CELSR1: variants seen among roughly 807,000 people sequenced by gnomAD.
CELSR1 encodes cadherin EGF LAG seven-pass G-type receptor 1.
Under a neutral mutation model 249.1 loss-of-function variants are expected in CELSR1, and 110 were observed. That is an observed-to-expected ratio of 0.44 (90% CI 0.38 to 0.52). The LOEUF (loss-of-function observed/expected upper bound fraction) is 0.52, where lower values mean the gene tolerates loss of function less well. Among genes scored for constraint, CELSR1 ranks in the 20% least tolerant of loss-of-function variants. CELSR1 has a pLI of 0.00. For missense variants in CELSR1, 4,109 were observed against 4,296.4 expected (o/e 0.96, Z 1.22); for synonymous variants, 2,113 against 1,900.0 (o/e 1.11, Z -2.92).
rs2079171708 is a variant in CELSR1 at position 46,398,177 on chromosome 22, C to T, written c.5527-329G>A. Among the ~76,000 whole-genome samples, 1 of 151,990 alleles carries T rather than the reference C, an allele frequency of 6.6e-6. No individual in the cohort carries two copies. The highest frequency in any genetic ancestry group is 1.5e-5 in the Non-Finnish European group (1 of 67,986). On this transcript the variant is annotated intron_variant, in intron 11 of 34. Transcript: ENST00000674500. The surrounding 1 kb of genome is among the most constrained non-coding windows in gnomAD (Gnocchi z 7.2). ...TCGGCCGTAGCTGGAACCCCTGGCT[C>T]CAGGGGACAGGCACGGGGCCCACTT...
At position 46,365,331 on chromosome 22, in the gene CELSR1, G is replaced by C. The variant is rs1031153013; in HGVS notation, c.8454C>G (p.Ser2818Arg). 1.2e-6 allele frequency: 2 copies of C among 1,612,878 alleles called. No individual in the cohort carries two copies. The highest frequency in any genetic ancestry group is 1.7e-5 in the Admixed American group (1 of 60,008). The change falls in exon 32 of 35, where the codon AGC (serine) becomes AGG (arginine). Residue 2818 changes from serine (S) to arginine (R), a missense_variant. Ser to Arg is a moderately radical substitution (Grantham distance 110). Around this residue, in one of 7 missense-constraint regions of CELSR1, gnomAD observed 1,805 missense variants for 1,831.6 expected, o/e 0.99. Coordinates refer to ENST00000674500, the MANE Select transcript of CELSR1 (RefSeq NM_001378328.1). ...CTGACGAGTGTGAGGAGGCGTAAGAGCTGCTCTGCTCATCCAGGGACAGCT... is the reference window on the plus strand; with the variant it reads ...CTGACGAGTGTGAGGAGGCGTAAGACCTGCTCTGCTCATCCAGGGACAGCT... ...DSELSLDEQS[S>R]SYASSHSSDS...
At position 46,454,552 on chromosome 22, in the gene CELSR1, T is replaced by A. The variant is rs556623782; in HGVS notation, c.4183+9155A>T. On this transcript the variant is annotated intron_variant, in intron 2 of 34. Transcript: ENST00000674500. This position sits in a 1 kb window ranked among gnomAD's most constrained non-coding sequence, Gnocchi z 5.1. ...AAACCACAGCGAGGTTTCTATTGCA[T>A]GCGGCTCGTCTTCAGGCCACTTTTC... Among the ~76,000 whole-genome samples, 4 of 152,222 alleles carry A rather than the reference T, an allele frequency of 2.6e-5. No individual in the cohort carries two copies. The highest frequency in any genetic ancestry group is 5.9e-5 in the Non-Finnish European group (4 of 68,038).
intron 1 of CELSR1, among the ~76,000 whole-genome samples, chr22:46,507,050 G>T (rs946781574): frequency 1.3e-5 from 2 of 152,196 alleles, no homozygotes; most frequent in Non-Finnish European, 2.9e-5. Context: ...GCCAGGTGTG[G>T]TGGTGTGTGC....
At position 46,412,641 on chromosome 22, in the gene CELSR1, G is replaced by A. The variant is rs922750895; in HGVS notation, c.4612-882C>T. On this transcript the variant is annotated intron_variant, in intron 5 of 34. Coordinates refer to ENST00000674500, the MANE Select transcript of CELSR1 (RefSeq NM_001378328.1). This position sits in a 1 kb window ranked among gnomAD's most constrained non-coding sequence, Gnocchi z 4.5. ...AGCCCACTTTCCCCAGACAGCCCTC[G>A]CAGGTCTCAGCTCCTGGTCAGTCCC... Among the ~76,000 whole-genome samples, 5 of 152,218 alleles carry A rather than the reference G, an allele frequency of 3.3e-5. No individual in the cohort carries two copies. The highest frequency in any genetic ancestry group is 1.9e-4 in the East Asian group (1 of 5,180).
Position 46,536,632 on chromosome 22 carries a change from C to T in CELSR1, c.539G>A (p.Arg180His), listed in dbSNP as rs913215115. Reference protein sequence around the residue: ...PICLPPGGSVRLRLLCALRRA... With the variant: ...PICLPPGGSVHLRLLCALRRA... ...CCGCAGGGCGCACAGCAGACGCAGG[C>T]GGACCGAGCCGCCCGGCGGCAGGCA... is the stretch of plus-strand genomic sequence containing the variant. Residue 180 changes from arginine to histidine, a missense_variant, in exon 1 of 35, where the codon CGC becomes CAC. Physicochemically the swap from Arg to His is conservative, Grantham distance 29. This residue lies in a region of CELSR1 where 673 missense variants were observed against 636.8 expected (regional missense o/e 1.06). Transcript: ENST00000674500. The T allele has an allele frequency of 7.7e-6, 9 of 1,168,254 alleles. No individual in the cohort carries two copies. Among genetic ancestry groups the T allele is most frequent in the Non-Finnish European group, 8.4e-6 (8 of 949,106 alleles). The allele number at this position is 1,168,254 out of a possible 1,614,324, so 72.4% of individuals were successfully genotyped here. A position where few individuals can be genotyped will look rare whatever the true frequency, so the allele number is the denominator to read the frequency against.
At chr22:46,452,555 C>A (rs1308911259) in intron 2 of CELSR1, among the ~76,000 whole-genome samples, 1 of 152,218 alleles carries the variant, frequency 6.6e-6, no homozygotes, top group East Asian at 1.9e-4. Context: ...GTCCCTACAG[C>A]CCCAGCACCA....
Position 46,417,948 on chromosome 22 carries a change from G to C in CELSR1, c.4612-6189C>G, listed in dbSNP as rs895201553. Among the ~76,000 whole-genome samples the C allele has an allele frequency of 2.6e-4, 40 of 152,328 alleles. No homozygotes were observed. The highest frequency in any genetic ancestry group is 8.9e-4 in the African/African-American group (37 of 41,576). On this transcript the variant is annotated intron_variant, in intron 5 of 34. Coordinates refer to ENST00000674500, the MANE Select transcript of CELSR1 (RefSeq NM_001378328.1). The surrounding 1 kb of genome is among the most constrained non-coding windows in gnomAD (Gnocchi z 4.1). ...ATGGACATCACCTCCTTAAAGCCAA[G>C]GGTCCATATCCTGCCCCTACTTGGG...
intron 2 of CELSR1, among the ~76,000 whole-genome samples, chr22:46,452,085 A>G (rs2079892353): frequency 6.6e-6 from 1 of 152,142 alleles, no homozygotes; most frequent in African/African-American, 2.4e-5. Flanking sequence ...TCGGCCTTCC[A>G]GCTGCAGAAC....
Position 46,430,303 on chromosome 22 carries a change from C to T in CELSR1, c.4611+3090G>A. ...TTCAAGTATGTTTTCTTCATCATCC[C>T]CAAAAATGCAAAAACCAAAACCAGC... On this transcript the variant is annotated intron_variant, in intron 5 of 34. Coordinates refer to ENST00000674500, the MANE Select transcript of CELSR1 (RefSeq NM_001378328.1). The surrounding 1 kb of genome is among the most constrained non-coding windows in gnomAD (Gnocchi z 4.6). Among the ~76,000 whole-genome samples, 1 of 152,160 alleles carries T rather than the reference C, an allele frequency of 6.6e-6. No homozygotes were observed. Among genetic ancestry groups the T allele is most frequent in the East Asian group, 1.9e-4 (1 of 5,190 alleles).
In CELSR1 at chr22:46,381,345, A is replaced by AGAG. The variant is rs2078975880; in HGVS notation, c.7089-391_7089-390insCTC. On this transcript the variant is annotated intron_variant, in intron 21 of 34. Transcript: ENST00000674500. This position sits in a 1 kb window ranked among gnomAD's most constrained non-coding sequence, Gnocchi z 6.0. Reference sequence around the variant, plus strand: ...CCCAGTCACTGAGAACCACGTGAACACGAGGATCCCAGAGCCAGGGAAGTA... The same window carrying AGAG: ...CCCAGTCACTGAGAACCACGTGAACAGAGCGAGGATCCCAGAGCCAGGGAAGTA... Among the ~76,000 whole-genome samples the AGAG allele has an allele frequency of 7.9e-5, 12 of 152,356 alleles. 1 individual carries two copies. Among genetic ancestry groups the AGAG allele is most frequent in the Admixed American group, 5.9e-4 (9 of 15,306 alleles).
chr22:46,450,400 A>G (rs558801852), intron 2 of CELSR1, among the ~76,000 whole-genome samples: 8 of 152,266 alleles, frequency 5.3e-5, no homozygotes, highest in Non-Finnish European at 8.8e-5. Flanking sequence ...GACCCTGGGT[A>G]TCCCCAGGTT....
chr22:46,389,520 T>A, intron 17 of CELSR1, 21 bp from the exon 18 acceptor site: 7 of 1,612,226 alleles, frequency 4.3e-6, no homozygotes, highest in Non-Finnish European at 5.1e-6. Context: ...GAGGCAGTCG[T>A]GATGTGTGCA....
At chr22:46,489,476 C>T (rs1050130396) in intron 1 of CELSR1, among the ~76,000 whole-genome samples, 1 of 151,844 alleles carries the variant, frequency 6.6e-6, no homozygotes, top group African/African-American at 2.4e-5. Context: ...CTCCTAACTA[C>T]GGGACATCCA....
intron 24 of CELSR1, among the ~76,000 whole-genome samples, chr22:46,376,047 T>C (rs937426043): frequency 6.6e-6 from 1 of 152,250 alleles, no homozygotes; most frequent in African/African-American, 2.4e-5. Flanking sequence ...GCCTCCAGTA[T>C]CTTCCCATTG....
chr22:46,369,367 G>C, intron 26 of CELSR1, 109 bp from the exon 27 acceptor site: 1 of 933,024 alleles, frequency 1.1e-6, no homozygotes. Context: ...GGCTGGGTGA[G>C]GAGGACCCGA....
Position 46,534,420 on chromosome 22 carries a change from C to T in CELSR1, c.2751G>A (p.Thr917=), listed in dbSNP as rs777748133. 13 of 1,612,798 alleles carry T rather than the reference C, an allele frequency of 8.1e-6. No individual in the cohort carries two copies. Among genetic ancestry groups the T allele is most frequent in the Non-Finnish European group, 1.1e-5 (13 of 1,180,012 alleles). The change falls in exon 1 of 35, where the codon ACG becomes ACA. Residue 917 remains threonine (T), a synonymous_variant. Transcript: ENST00000674500. This position sits in a 1 kb window ranked among gnomAD's most constrained non-coding sequence, Gnocchi z 9.7. ...PSTSILQVSA[T]DRDSGPNGRL... ...GCCCATTGGGACCTGAGTCCCGGTCCGTGGCAGAGACCTGGAGGATGCTGG... is the reference window on the plus strand; with the variant it reads ...GCCCATTGGGACCTGAGTCCCGGTCTGTGGCAGAGACCTGGAGGATGCTGG...
In CELSR1 at chr22:46,413,528, G is replaced by A. The variant is rs2079362009; in HGVS notation, c.4612-1769C>T. Among the ~76,000 whole-genome samples, 1 of 152,236 alleles carries A rather than the reference G, an allele frequency of 6.6e-6. No individual in the cohort carries two copies. The highest frequency in any genetic ancestry group is 2.4e-5 in the African/African-American group (1 of 41,458). On this transcript the variant is annotated intron_variant, in intron 5 of 34. Transcript: ENST00000674500. This position sits in a 1 kb window ranked among gnomAD's most constrained non-coding sequence, Gnocchi z 4.7. ...GAACACACGTCCTCTCTGTGTTACA[G>A]GGAATTGAGGATGATATCAACAGAG...
intron 5 of CELSR1, among the ~76,000 whole-genome samples, chr22:46,416,925 C>T (rs887038465): frequency 5.1e-5 from 3 of 59,180 alleles, no homozygotes; most frequent in African/African-American, 1.4e-4. Context: ...ATTGGGAGGC[C>T]GGTGGGGGTA....
rs1174814394 is a variant in CELSR1 at position 46,468,379 on chromosome 22, C to T, written c.3545-4034G>A. ...CCAGCCTGGGCAACAAAGCAAGACT[C>T]TGTCTCAAAAAAAAAAAAAAATGTG... On this transcript the variant is annotated intron_variant, in intron 1 of 34. Transcript: ENST00000674500. The surrounding 1 kb of genome is among the most constrained non-coding windows in gnomAD (Gnocchi z 4.5). 4.0e-5 allele frequency among the ~76,000 whole-genome samples: 4 copies of T among 98,888 alleles called. No individual in the cohort carries two copies. The highest frequency in any genetic ancestry group is 3.4e-4 in the Admixed American group (3 of 8,792). The allele number at this position is 98,888 out of a possible 152,430, so 64.9% of individuals were successfully genotyped here.
Sources: gnomAD v4.1 joint callset for allele counts (sites outside exome capture counted in the v4.1 genomes callset) on GRCh38, gnomAD v4.1.1 for gene constraint, gnomAD v4.1.1 regional missense constraint, Gnocchi (gnomAD v3.1) non-coding constraint, MANE v1.5 for transcripts, NCBI Gene and HGNC (gene_info 2026-07-23, HGNC 2026-07-21) for gene names.